Variants in SEC61A1 observed in about 807,000 individuals in gnomAD.
SEC61A1 encodes the protein SEC61 translocon subunit alpha 1, also known as protein transport protein Sec61 subunit alpha isoform 1.
In SEC61A1, 15 loss-of-function variants were observed where a neutral mutation model predicts 55.2. The ratio of observed to expected loss-of-function variants is 0.27; its 90% CI spans 0.18 to 0.42. SEC61A1 has a LOEUF of 0.42. SEC61A1 is among the 10% of genes least tolerant of loss of function. The pLI is 1.00. For synonymous variants in SEC61A1, 247 were observed against 234.0 expected (o/e 1.06, Z -0.51); for missense variants, 284 against 602.6 (o/e 0.47, Z 5.53).
Position 128,052,511 on chromosome 3 carries a change from A to G in SEC61A1, c.-42A>G. 6.3e-7 allele frequency: 1 copy of G among 1,588,638 alleles called. No individual in the cohort carries two copies. Among genetic ancestry groups the G allele is most frequent in the Non-Finnish European group, 8.6e-7 (1 of 1,168,554 alleles). ...GGCAGCGTCGCCTCACGCGGAGCAG[A>G]GCTGAGCTGAAGCGGGACCCGGAGC... On this transcript the variant is annotated 5_prime_UTR_variant, in exon 1 of 12. Coordinates refer to ENST00000243253, the MANE Select transcript of SEC61A1 (RefSeq NM_013336.4).
chr3:128,066,194 C>T (rs1465878911), intron 8 of SEC61A1, among the ~76,000 whole-genome samples: 2 of 152,056 alleles, frequency 1.3e-5, no homozygotes, highest in Non-Finnish European at 2.9e-5. Context: ...ATTAAAAACA[C>T]TGTAAGGAAC....
Position 128,067,657 on chromosome 3 carries a change from T to A in SEC61A1, c.1167+45T>A. Reference sequence around the variant, plus strand: ...TCTGGAAGGGTGATGAAAGTGTGACTGGTATAAGGGGTGTGGACTTGTCAC... The same window carrying A: ...TCTGGAAGGGTGATGAAAGTGTGACAGGTATAAGGGGTGTGGACTTGTCAC... On this transcript the variant is annotated intron_variant, in intron 10 of 11. Coordinates refer to ENST00000243253, the MANE Select transcript of SEC61A1 (RefSeq NM_013336.4). This position sits in a 1 kb window ranked among gnomAD's most constrained non-coding sequence, Gnocchi z 4.1. The A allele has an allele frequency of 6.9e-7, 1 of 1,453,324 alleles. No homozygotes were observed. The highest frequency in any genetic ancestry group is 9.5e-7 in the Non-Finnish European group (1 of 1,048,006). 90.0% of individuals were successfully genotyped at this position (1,453,324 alleles called of 1,614,324 possible).
At chr3:128,063,484 G>A (rs986266914) in intron 7 of SEC61A1, among the ~76,000 whole-genome samples, 43 of 152,142 alleles carry the variant, frequency 2.8e-4, no homozygotes, top group African/African-American at 9.9e-4. Context: ...ACAGGCGCCC[G>A]CCACCATGTT....
intron 2 of SEC61A1, among the ~76,000 whole-genome samples, chr3:128,054,462 G>C (rs1941740729): frequency 6.6e-6 from 1 of 152,200 alleles, no homozygotes; most frequent in African/African-American, 2.4e-5. Context: ...GAAGAGTCCT[G>C]TGAATGCCCC....
intron 4 of SEC61A1, among the ~76,000 whole-genome samples, chr3:128,056,401 G>C (rs993505674): frequency 2.0e-5 from 3 of 152,118 alleles, no homozygotes; most frequent in African/African-American, 7.2e-5. Context: ...AACTGATGAA[G>C]AGACGAACAT....
intron 11 of SEC61A1, chr3:128,068,492 C>T: frequency 5.9e-6 from 1 of 168,856 alleles, no homozygotes; most frequent in Non-Finnish European, 1.3e-5. Context: ...GGCATTAAGG[C>T]TAGAGAGGCT....
intron 2 of SEC61A1, among the ~76,000 whole-genome samples, chr3:128,054,829 G>A (rs1327150367): frequency 1.3e-5 from 2 of 152,222 alleles, no homozygotes; most frequent in African/African-American, 2.4e-5. Flanking sequence ...TTTAGTGACA[G>A]AGGTTTTGGG....
chr3:128,055,377 T>C, intron 2 of SEC61A1, 139 bp from the exon 3 acceptor site: 1 of 710,782 alleles, frequency 1.4e-6, no homozygotes, highest in Non-Finnish European at 2.5e-6. Context: ...GTTTGGTACA[T>C]GGTTTGGCTT....
chr3:128,059,923 A>G (rs373962287), intron 5 of SEC61A1, among the ~76,000 whole-genome samples, 179 bp from the exon 6 acceptor site: 1 of 152,194 alleles, frequency 6.6e-6, no homozygotes, highest in Non-Finnish European at 1.5e-5. Flanking sequence ...CTTTTGATTC[A>G]TCATGTACTT....
At chr3:128,058,812 C>T (rs577156246) in intron 5 of SEC61A1, among the ~76,000 whole-genome samples, 1 of 152,036 alleles carries the variant, frequency 6.6e-6, no homozygotes, top group South Asian at 2.1e-4. Flanking sequence ...GCTGCTAGTG[C>T]ACCACTGCAC....
At chr3:128,056,681 G>C (rs2107642181) in intron 4 of SEC61A1, 28 bp from the exon 5 acceptor site, 1 of 1,491,776 alleles carries the variant, frequency 6.7e-7, no homozygotes, top group East Asian at 2.4e-5. Context: ...AGCTGATATT[G>C]ACTGTTTTGC....
chr3:128,067,299 A>G lies in SEC61A1; in HGVS notation c.976-122A>G, dbSNP rs539228175. On this transcript the variant is annotated intron_variant, in intron 9 of 11. Coordinates refer to ENST00000243253, the MANE Select transcript of SEC61A1 (RefSeq NM_013336.4). This position sits in a 1 kb window ranked among gnomAD's most constrained non-coding sequence, Gnocchi z 4.1. ...AGCACATTAAATTATCTTTTCAGTA[A>G]AAAAATTGTACTGTGGGCACCGAGT... 5.7e-5 allele frequency: 74 copies of G among 1,305,294 alleles called. No homozygotes were observed. Among genetic ancestry groups the G allele is most frequent in the Non-Finnish European group, 7.5e-5 (70 of 937,322 alleles). The allele number at this position is 1,305,294 out of a possible 1,614,324, so 80.9% of individuals were successfully genotyped here.
intron 2 of SEC61A1, 71 bp downstream of exon 2, chr3:128,052,973 T>C: frequency 2.4e-6 from 3 of 1,225,626 alleles, no homozygotes; most frequent in Non-Finnish European, 3.5e-6. Context: ...TACAGTATGA[T>C]TAAAAATGGC....
chr3:128,066,099 C>G (rs1315935727), intron 8 of SEC61A1, among the ~76,000 whole-genome samples: 2 of 151,998 alleles, frequency 1.3e-5, no homozygotes, highest in Non-Finnish European at 2.9e-5. Context: ...GTACTGGGAG[C>G]TCATAAAAAT....
chr3:128,058,602 T>G (rs1033060481), intron 5 of SEC61A1, among the ~76,000 whole-genome samples: 10 of 152,288 alleles, frequency 6.6e-5, no homozygotes, highest in Non-Finnish European at 1.5e-4. Context: ...TGGCTCATAC[T>G]TGTATCCCAG....
intron 5 of SEC61A1, among the ~76,000 whole-genome samples, chr3:128,057,263 C>T (rs1317742712): frequency 6.6e-6 from 1 of 152,236 alleles, no homozygotes; most frequent in Non-Finnish European, 1.5e-5. Flanking sequence ...CTGCAACCTC[C>T]TTGGCCTGCC....
At chr3:128,056,870 T>A in intron 5 of SEC61A1, 30 bp downstream of exon 5, 3 of 1,442,162 alleles carry the variant, frequency 2.1e-6, no homozygotes, top group Non-Finnish European at 2.8e-6. Flanking sequence ...ATCTGATGTC[T>A]ATAGTTGGAA....
chr3:128,057,663 A>G (rs1033501706), intron 5 of SEC61A1, among the ~76,000 whole-genome samples: 1 of 151,408 alleles, frequency 6.6e-6, no homozygotes, highest in Admixed American at 6.6e-5. Flanking sequence ...TTTGAGACCA[A>G]CCTGGCCAAC....
chr3:128,052,957 G>A, intron 2 of SEC61A1, 55 bp downstream of exon 2: 1 of 1,365,080 alleles, frequency 7.3e-7, no homozygotes, highest in East Asian at 2.3e-5. Context: ...CTGGACTCTG[G>A]AAGTTTACAG....
Sources: gnomAD v4.1 joint callset for allele counts (sites outside exome capture counted in the v4.1 genomes callset) on GRCh38, gnomAD v4.1.1 for gene constraint, Gnocchi (gnomAD v3.1) non-coding constraint, MANE v1.5 for transcripts, NCBI Gene and HGNC (gene_info 2026-07-23, HGNC 2026-07-21) for gene names.